The following RSRC1 variants were observed in gnomAD, a reference collection of about 807,000 sequenced individuals.
RSRC1 encodes the protein arginine and serine rich coiled-coil 1.
A neutral mutation model predicts 49.1 loss-of-function variants in RSRC1; 39 were observed. The observed-to-expected ratio is 0.79, with a 90% CI of 0.61 to 1.04. The LOEUF is 1.04. RSRC1 is among the 50% of genes least tolerant of loss of function. RSRC1 has a pLI of 0.00. For synonymous variants in RSRC1, 143 were observed against 130.8 expected (o/e 1.09, Z -0.63); for missense variants, 388 against 402.4 (o/e 0.96, Z 0.31).
At chr3:158,128,513 G>T (rs1715782164) in intron 3 of RSRC1, among the ~76,000 whole-genome samples, 1 of 151,922 alleles carries the variant, frequency 6.6e-6, no homozygotes, top group Non-Finnish European at 1.5e-5. Flanking sequence ...TTTCTTACAG[G>T]CTCTTTCTAA....
intron 5 of RSRC1, among the ~76,000 whole-genome samples, chr3:158,306,788 G>A (rs1326807409): frequency 6.6e-6 from 1 of 151,814 alleles, no homozygotes; most frequent in East Asian, 1.9e-4. Context: ...TTTTGGTAGT[G>A]ACTATATCAT....
chr3:158,409,518 T>C (rs1734320335), intron 6 of RSRC1, among the ~76,000 whole-genome samples: 1 of 152,198 alleles, frequency 6.6e-6, no homozygotes, highest in Admixed American at 6.5e-5. Flanking sequence ...CCTAACATTG[T>C]ATTTTATGTC....
At chr3:158,300,823 A>G in intron 5 of RSRC1, among the ~76,000 whole-genome samples, 1 of 152,192 alleles carries the variant, frequency 6.6e-6, no homozygotes, top group Non-Finnish European at 1.5e-5. Flanking sequence ...ATACATTTTA[A>G]TAAGTTAAGA....
intron 5 of RSRC1, among the ~76,000 whole-genome samples, chr3:158,319,891 A>G (rs1300015640): frequency 2.0e-5 from 3 of 152,182 alleles, no homozygotes; most frequent in Non-Finnish European, 1.5e-5. Context: ...TCTGAATATC[A>G]TGTTAAAGTA....
chr3:158,292,566 CA>C (rs1726999625), intron 4 of RSRC1, among the ~76,000 whole-genome samples: 1 of 152,148 alleles, frequency 6.6e-6, no homozygotes, highest in Non-Finnish European at 1.5e-5. Context: ...CAGCACAGGG[CA>C]AAAGGAGTTG....
At chr3:158,190,166 A>G (rs1268752228) in intron 3 of RSRC1, among the ~76,000 whole-genome samples, 1 of 151,954 alleles carries the variant, frequency 6.6e-6, no homozygotes, top group East Asian at 1.9e-4. Flanking sequence ...ACTTAATCAG[A>G]ATATTCTTTT....
intron 5 of RSRC1, among the ~76,000 whole-genome samples, chr3:158,325,991 A>G (rs575505437): frequency 6.6e-6 from 1 of 152,302 alleles, no homozygotes; most frequent in Non-Finnish European, 1.5e-5. Context: ...CTTTGAAGCA[A>G]TAGTGAATAG....
chr3:158,313,186 G>A (rs1578323067), intron 5 of RSRC1, among the ~76,000 whole-genome samples: 1 of 151,884 alleles, frequency 6.6e-6, no homozygotes, highest in East Asian at 1.9e-4. Flanking sequence ...CCCAGGATGA[G>A]CCCCCGTACT....
intron 6 of RSRC1, among the ~76,000 whole-genome samples, chr3:158,422,855 T>C (rs1430612856): frequency 1.3e-5 from 2 of 151,388 alleles, no homozygotes; most frequent in African/African-American, 2.4e-5. Context: ...CATGTGTTTT[T>C]TGGCTGCATA....
intron 6 of RSRC1, among the ~76,000 whole-genome samples, chr3:158,380,689 G>C (rs1023010096): frequency 6.6e-6 from 1 of 151,358 alleles, no homozygotes; most frequent in African/African-American, 2.4e-5. Flanking sequence ...GTATTTTTTG[G>C]GCAAGTTGTG....
At chr3:158,482,330 A>G (rs1280170943) in intron 7 of RSRC1, among the ~76,000 whole-genome samples, 1 of 152,064 alleles carries the variant, frequency 6.6e-6, no homozygotes, top group Non-Finnish European at 1.5e-5. Flanking sequence ...GCATATTTTA[A>G]TATGATTATG....
rs181760980 is a variant in RSRC1 at position 158,514,275 on chromosome 3, C to A, written c.653-22817C>A. Among the ~76,000 whole-genome samples, 39 of 152,318 alleles carry A rather than the reference C, an allele frequency of 2.6e-4. No homozygotes were observed. The East Asian group carries it at 4.2e-3, about 17-fold the overall frequency. Reference sequence around the variant, plus strand: ...ATTTAGTGCTGTAAATTTCCCTCTACACACTGCTTTGAATGTGTCCCAAAG... The same window carrying A: ...ATTTAGTGCTGTAAATTTCCCTCTAAACACTGCTTTGAATGTGTCCCAAAG... On this transcript the variant is annotated intron_variant, in intron 7 of 9. Coordinates refer to ENST00000611884, the MANE Select transcript of RSRC1 (RefSeq NM_001271838.2).
At chr3:158,280,974 ACTGGCTGTTTTGCAAC>A (rs879481012) in intron 4 of RSRC1, among the ~76,000 whole-genome samples, 4 of 152,012 alleles carry the variant, frequency 2.6e-5, no homozygotes, top group Non-Finnish European at 5.9e-5. Context: ...ATAAGATTAG[ACTGGCTGTTTTGCAAC>A]AGGTGGATGA....
intron 1 of RSRC1, among the ~76,000 whole-genome samples, chr3:158,118,462 T>TGTGTGTGTGTGTGC (rs1491469875): frequency 0.017 from 2,080 of 124,592 alleles, 88 homozygotes; most frequent in East Asian, 0.04. Context: ...TGTGTGTGTG[T>TGTGTGTGTGTGTGC]GCGCGTGCGC....
At chr3:158,166,502 T>G (rs188006138) in intron 3 of RSRC1, among the ~76,000 whole-genome samples, 1 of 152,308 alleles carries the variant, frequency 6.6e-6, no homozygotes, top group East Asian at 1.9e-4. Flanking sequence ...CCTTTTGTTA[T>G]GAAAAATGTG....
intron 7 of RSRC1, among the ~76,000 whole-genome samples, chr3:158,506,857 A>G (rs1215505682): frequency 6.7e-6 from 1 of 148,856 alleles, no homozygotes; most frequent in East Asian, 1.9e-4. Context: ...ATATATTTAT[A>G]TATATTTTAT....
chr3:158,421,953 T>C (rs1431630285), intron 6 of RSRC1, among the ~76,000 whole-genome samples: 1 of 151,886 alleles, frequency 6.6e-6, no homozygotes, highest in Non-Finnish European at 1.5e-5. Context: ...TTCATCCCTA[T>C]CCATTCCTAC....
At chr3:158,162,000 A>G (rs1418384838) in intron 3 of RSRC1, among the ~76,000 whole-genome samples, 1 of 152,156 alleles carries the variant, frequency 6.6e-6, no homozygotes, top group Non-Finnish European at 1.5e-5. Context: ...AGAAAAATAT[A>G]ATGTAATGTA....
intron 4 of RSRC1, among the ~76,000 whole-genome samples, chr3:158,255,023 G>C (rs1384796129): frequency 6.6e-6 from 1 of 152,142 alleles, no homozygotes; most frequent in African/African-American, 2.4e-5. Flanking sequence ...TAGGTTGCCT[G>C]TTCACTCTGA....
Sources: allele counts gnomAD v4.1 joint callset (sites outside exome capture counted in the v4.1 genomes callset), GRCh38; gene constraint gnomAD v4.1.1; transcripts MANE v1.5; gene names NCBI Gene and HGNC (gene_info 2026-07-23, HGNC 2026-07-21).